SH3KBP1: variants seen among roughly 807,000 people sequenced by gnomAD.
SH3KBP1 encodes SH3 domain-containing kinase-binding protein 1.
In SH3KBP1, 8 loss-of-function variants were observed where a neutral mutation model predicts 50.1. The observed-to-expected ratio is 0.16, with a 90% CI of 0.09 to 0.29. The LOEUF (loss-of-function observed/expected upper bound fraction) is 0.29, where lower values mean the gene tolerates loss of function less well. Among genes scored for constraint, SH3KBP1 ranks in the 10% least tolerant of loss-of-function variants. SH3KBP1 has a pLI of 1.00. For synonymous variants in SH3KBP1, 227 were observed against 218.6 expected, an observed-to-expected ratio of 1.04 and a Z score of -0.34; for missense variants, 377 against 535.2, an observed-to-expected ratio of 0.70 and a Z score of 2.92.
At chrX:19,884,852 G>A (rs968513300) in intron 1 of SH3KBP1, among the ~76,000 whole-genome samples, 2 of 111,940 alleles carry the variant, frequency 1.8e-5, no homozygotes, top group African/African-American at 6.5e-5. Context: ...ATTCTGATGG[G>A]CTTTTATAAG....
At chrX:19,552,870 G>C (rs2065281753) in intron 13 of SH3KBP1, among the ~76,000 whole-genome samples, 1 of 109,427 alleles carries the variant, frequency 9.1e-6, no homozygotes, top group Non-Finnish European at 1.9e-5. Context: ...GGGGAGGGAA[G>C]GGAGTGAGGA....
rs1203561201 is a variant in SH3KBP1, at chrX:19,683,269, A to G, written c.726+554T>C. On this transcript the variant is annotated intron_variant, in intron 6 of 17. Coordinates refer to ENST00000397821, the MANE Select transcript of SH3KBP1 (RefSeq NM_031892.3). The stretch of plus-strand genomic sequence containing the variant: ...GAACCAGAGGCAGAAGGAAACAGCC[A>G]GCTTCCTGAAGGGAACAACCCAGGG... 184 of 355,040 alleles carry G rather than the reference A, an allele frequency of 5.2e-4. 1 individual carries two copies. Among genetic ancestry groups the G allele is most frequent in the Non-Finnish European group, 8.2e-5 (15 of 182,811 alleles). The allele number at this position is 355,040 out of a possible 1,213,427, so 29.3% of individuals were successfully genotyped here.
intron 11 of SH3KBP1, among the ~76,000 whole-genome samples, chrX:19,591,571 T>A (rs916295556): frequency 1.7e-4 from 19 of 111,988 alleles, no homozygotes; most frequent in Admixed American, 4.7e-4. Context: ...CAAGGACTTC[T>A]GTCTGTAATA....
At position 19,626,373 on chromosome X, in the gene SH3KBP1, T is replaced by C. The variant is rs761255056; in HGVS notation, c.897+5491A>G. 3.9e-5 allele frequency among the ~76,000 whole-genome samples: 4 copies of C among 102,911 alleles called. No individual in the cohort carries two copies. In the South Asian group the frequency reaches 1.7e-3, roughly 44 times the overall value. 89.4% of individuals were successfully genotyped at this position (102,911 alleles called of 115,157 possible). ...CACAGCTCCTGGCACACCATAAATA[T>C]TCTTCGATGTATGAATGAATGAATG... On this transcript the variant is annotated intron_variant, in intron 8 of 17. Transcript: ENST00000397821.
chrX:19,719,502 G>A (rs2063999638), intron 3 of SH3KBP1, among the ~76,000 whole-genome samples: 1 of 111,741 alleles, frequency 8.9e-6, no homozygotes, highest in Admixed American at 9.5e-5. Context: ...AAGAGGAGCT[G>A]TATATGTATA....
At chrX:19,812,847 C>T (rs1007789915) in intron 2 of SH3KBP1, among the ~76,000 whole-genome samples, 3 of 110,477 alleles carry the variant, frequency 2.7e-5, no homozygotes, top group African/African-American at 6.6e-5. Flanking sequence ...TGTTAGTGCA[C>T]GCCTGTAGTC....
chrX:19,811,691 T>C (rs1320482175), intron 2 of SH3KBP1, among the ~76,000 whole-genome samples: 2 of 112,083 alleles, frequency 1.8e-5, no homozygotes, highest in African/African-American at 6.5e-5. Context: ...TGGTTTTGAC[T>C]TGGCCCCCAC....
chrX:19,878,188 G>A (rs2069309755), intron 1 of SH3KBP1, among the ~76,000 whole-genome samples: 1 of 111,613 alleles, frequency 9.0e-6, no homozygotes, highest in Non-Finnish European at 1.9e-5. Context: ...GGTTGCTGGT[G>A]GACCTTTGCC....
Position 19,591,106 on chromosome X carries a change from T to C in SH3KBP1, c.1138+961A>G, listed in dbSNP as rs918344860. Among the ~76,000 whole-genome samples the C allele has an allele frequency of 9.0e-5, 10 of 110,523 alleles. No homozygotes were observed. In the South Asian group the frequency reaches 3.9e-3, roughly 43 times the overall value. ...CTGCTCACTGTGAAAGAAAGAGGTA[T>C]AGCTTCTTAAGAGCTGGCAATGTTG... On this transcript the variant is annotated intron_variant, in intron 11 of 17. Transcript: ENST00000397821.
chrX:19,742,740 A>T (rs2064807294), intron 3 of SH3KBP1, among the ~76,000 whole-genome samples: 1 of 111,891 alleles, frequency 8.9e-6, no homozygotes, highest in South Asian at 3.7e-4. Flanking sequence ...AAACAAAAGA[A>T]TCAATCATTC....
At chrX:19,768,728 C>T (rs1184388562) in intron 2 of SH3KBP1, among the ~76,000 whole-genome samples, 1 of 108,714 alleles carries the variant, frequency 9.2e-6, no homozygotes, top group African/African-American at 3.4e-5. Flanking sequence ...CAAAATTTTC[C>T]AAGACTGACC....
chrX:19,855,044 C>G (rs919258697), intron 1 of SH3KBP1, among the ~76,000 whole-genome samples: 3 of 110,999 alleles, frequency 2.7e-5, no homozygotes, highest in African/African-American at 6.6e-5. Flanking sequence ...GGTGCGATGT[C>G]GGCTCACTGC....
intron 6 of SH3KBP1, among the ~76,000 whole-genome samples, chrX:19,664,028 G>T (rs904823619): frequency 4.5e-5 from 5 of 112,010 alleles, no homozygotes; most frequent in Non-Finnish European, 9.4e-5. Context: ...GGTCGAGGAG[G>T]CTGCAATGAG....
rs1248300498 is a variant in SH3KBP1 at position 19,645,456 on chromosome X, G to A, written c.746C>T (p.Pro249Leu). The change falls in exon 7 of 18, where the codon CCT becomes CTT. Residue 249 changes from proline to leucine, a missense_variant. This residue lies in a region of SH3KBP1 where 257 missense variants were observed against 374.2 expected (regional missense o/e 0.69). Transcript: ENST00000397821. ...PVEKTIGKKLPATTATPDSSK... is the reference protein window; with the variant it reads ...PVEKTIGKKLLATTATPDSSK... ...TGAGTCTGGAGTTGCTGTAGTTGCA[G>A]GTAACTTCTTCCCAATAGTCTGAGG... 8.3e-7 allele frequency: 1 copy of A among 1,199,974 alleles called. No individual in the cohort carries two copies. Among genetic ancestry groups the A allele is most frequent in the Non-Finnish European group, 1.1e-6 (1 of 885,056 alleles).
intron 7 of SH3KBP1, among the ~76,000 whole-genome samples, chrX:19,641,322 T>C (rs2061851330): frequency 8.9e-6 from 1 of 112,145 alleles, no homozygotes; most frequent in South Asian, 3.7e-4. Flanking sequence ...TTTTGATTTT[T>C]TGTTTTGTTT....
At chrX:19,873,290 G>GTATA (rs60336593) in intron 1 of SH3KBP1, among the ~76,000 whole-genome samples, 206 of 71,292 alleles carry the variant, frequency 2.9e-3, no homozygotes, top group African/African-American at 4.2e-3. Flanking sequence ...ATATATATAT[G>GTATA]TATATATATA....
chrX:19,688,883 A>G (rs1215425235), intron 5 of SH3KBP1, among the ~76,000 whole-genome samples: 1 of 111,696 alleles, frequency 9.0e-6, no homozygotes, highest in African/African-American at 3.3e-5. Context: ...AAGTGAAGGG[A>G]GAGAGCAACT....
intron 3 of SH3KBP1, among the ~76,000 whole-genome samples, chrX:19,726,636 C>A (rs1031140981): frequency 3.8e-4 from 41 of 108,080 alleles, no homozygotes; most frequent in African/African-American, 1.1e-3. Flanking sequence ...ATTTGTTATG[C>A]AGCAATATTG....
At chrX:19,757,687 G>T (rs779930239) in intron 2 of SH3KBP1, among the ~76,000 whole-genome samples, 2 of 109,834 alleles carry the variant, frequency 1.8e-5, no homozygotes, top group Admixed American at 1.9e-4. Context: ...TTTAAATTTG[G>T]AGCCCTCAAA....
Sources: allele counts gnomAD v4.1 joint callset (sites outside exome capture counted in the v4.1 genomes callset), GRCh38; gene constraint gnomAD v4.1.1; regional missense constraint gnomAD v4.1.1; transcripts MANE v1.5; gene names NCBI Gene and HGNC (gene_info 2026-07-23, HGNC 2026-07-21).